Variants in FARS2 observed in about 807,000 individuals in gnomAD.
FARS2 encodes the protein phenylalanyl-tRNA synthetase 2, mitochondrial, also known as phenylalanine--tRNA ligase, mitochondrial.
FARS2 carries 40 observed loss-of-function variants against 46.4 expected under a neutral mutation model. That is an observed-to-expected ratio of 0.86 (90% CI 0.67 to 1.12). The LOEUF is 1.12. Ranked by LOEUF, FARS2 falls within the 50% of genes most tolerant of loss-of-function variation. FARS2 has a pLI of 0.00. For missense variants in FARS2, 513 were observed against 567.9 expected (o/e 0.90, Z 0.98); for synonymous variants, 234 against 214.9 (o/e 1.09, Z -0.78).
rs371863264 is a variant in FARS2, at chr6:5,286,877, A to G, written c.-22+25217A>G. On this transcript the variant is annotated intron_variant, in intron 1 of 6. Coordinates refer to ENST00000274680, the MANE Select transcript of FARS2 (RefSeq NM_006567.5). ...ATGTTAATTTTGGTGCCACTGCAGA[A>G]TCTTTCTGAGAGTGAGAAACTCCTC... is the stretch of plus-strand genomic sequence containing the variant. Among the ~76,000 whole-genome samples, 9 of 152,350 alleles carry G rather than the reference A, an allele frequency of 5.9e-5. No individual in the cohort carries two copies. In the South Asian group the frequency reaches 1.4e-3, roughly 25 times the overall value.
chr6:5,296,201 G>A lies in FARS2; in HGVS notation c.-22+34541G>A, dbSNP rs563717099. ...CTGTCGCCTGGGCTGGAGTGCAGTG[G>A]TGGGATCTCAGCTCACTGCAAGCTC... is the stretch of plus-strand genomic sequence containing the variant. On this transcript the variant is annotated intron_variant, in intron 1 of 6. Transcript: ENST00000274680. Among the ~76,000 whole-genome samples the A allele has an allele frequency of 2.6e-3, 355 of 134,786 alleles. 1 individual carries two copies. Among genetic ancestry groups the A allele is most frequent in the Non-Finnish European group, 3.9e-3 (255 of 65,532 alleles). 88.4% of individuals were successfully genotyped at this position (134,786 alleles called of 152,430 possible). A position where few individuals can be genotyped will look rare whatever the true frequency, so the allele number is the denominator to read the frequency against.
chr6:5,752,434 C>T (rs1761999678), intron 6 of FARS2, among the ~76,000 whole-genome samples: 2 of 152,190 alleles, frequency 1.3e-5, no homozygotes, highest in Admixed American at 6.5e-5. Flanking sequence ...TGATCTTACA[C>T]GACAGTGACT....
intron 6 of FARS2, among the ~76,000 whole-genome samples, chr6:5,700,831 G>A (rs578194580): frequency 2.3e-4 from 35 of 152,238 alleles, no homozygotes; most frequent in Non-Finnish European, 4.0e-4. Flanking sequence ...CGTGGGCCGC[G>A]CTCTGCTGCA....
At chr6:5,481,673 A>G (rs960565670) in intron 4 of FARS2, among the ~76,000 whole-genome samples, 2 of 152,186 alleles carry the variant, frequency 1.3e-5, no homozygotes, top group Non-Finnish European at 2.9e-5. Flanking sequence ...TTTGGCATGC[A>G]CAGCTTCAAG....
intron 6 of FARS2, among the ~76,000 whole-genome samples, chr6:5,618,694 C>T (rs893297086): frequency 1.3e-5 from 2 of 152,166 alleles, no homozygotes; most frequent in African/African-American, 4.8e-5. Context: ...TTTGTTCCAG[C>T]CAGTCATTTA....
chr6:5,606,820 A>G (rs1012316242), intron 5 of FARS2, among the ~76,000 whole-genome samples: 14 of 152,170 alleles, frequency 9.2e-5, no homozygotes, highest in African/African-American at 3.4e-4. Flanking sequence ...GGCACCTTCC[A>G]GTATTTCATT....
At chr6:5,695,367 T>C (rs1333284862) in intron 6 of FARS2, 1 of 152,276 alleles carries the variant, frequency 6.6e-6, no homozygotes, top group Non-Finnish European at 1.5e-5. Flanking sequence ...TCATTCCCAG[T>C]GCTTTCTCTG....
chr6:5,415,660 A>G (rs958062911), intron 3 of FARS2, among the ~76,000 whole-genome samples: 27 of 151,786 alleles, frequency 1.8e-4, no homozygotes, highest in African/African-American at 6.1e-4. Context: ...AATATTATGT[A>G]CTTATTTGCA....
At chr6:5,516,777 A>G (rs1262959942) in intron 4 of FARS2, among the ~76,000 whole-genome samples, 2 of 152,176 alleles carry the variant, frequency 1.3e-5, no homozygotes, top group African/African-American at 2.4e-5. Context: ...ATAACTTTGC[A>G]TTTTTTAATT....
At chr6:5,372,463 C>T (rs963129374) in intron 2 of FARS2, among the ~76,000 whole-genome samples, 4 of 152,182 alleles carry the variant, frequency 2.6e-5, no homozygotes, top group Middle Eastern at 3.4e-3. Flanking sequence ...ATTACTTATG[C>T]ATTACTAATT....
intron 6 of FARS2, among the ~76,000 whole-genome samples, chr6:5,745,765 C>T (rs1456659696): frequency 6.6e-6 from 1 of 152,174 alleles, no homozygotes; most frequent in Non-Finnish European, 1.5e-5. Flanking sequence ...GTCTCAAATT[C>T]CTGGGCTCAA....
intron 4 of FARS2, among the ~76,000 whole-genome samples, chr6:5,450,382 G>A (rs1390751131): frequency 6.6e-6 from 1 of 151,880 alleles, no homozygotes; most frequent in African/African-American, 2.4e-5. Flanking sequence ...GCGTGATGTG[G>A]GCTGCAGGGG....
intron 4 of FARS2, among the ~76,000 whole-genome samples, chr6:5,534,108 G>A (rs531007039): frequency 6.6e-6 from 1 of 152,258 alleles, no homozygotes; most frequent in East Asian, 1.9e-4. Context: ...TGAAATGATT[G>A]GTGGTATAAT....
At chr6:5,748,493 C>T (rs952214506) in intron 6 of FARS2, among the ~76,000 whole-genome samples, 1 of 152,180 alleles carries the variant, frequency 6.6e-6, no homozygotes, top group African/African-American at 2.4e-5. Flanking sequence ...GTCCAGCCAG[C>T]CATCATGGCC....
Position 5,369,487 on chromosome 6 carries a change from C to T in FARS2, c.612+305C>T, listed in dbSNP as rs566180976. 2.6e-5 allele frequency among the ~76,000 whole-genome samples: 4 copies of T among 152,302 alleles called. No homozygotes were observed. The South Asian group carries it at 6.2e-4, about 24-fold the overall frequency. On this transcript the variant is annotated intron_variant, in intron 2 of 6. Transcript: ENST00000274680. ...CTTATGAATGGAGAATAGTCTGTGG[C>T]TCAAATTCACCTTTAATCCAGGATG...
chr6:5,661,755 G>T (rs530531067), intron 6 of FARS2, among the ~76,000 whole-genome samples: 1 of 151,210 alleles, frequency 6.6e-6, no homozygotes, highest in African/African-American at 2.5e-5. Flanking sequence ...GAGAAGAAAT[G>T]GAGACAGTAA....
intron 6 of FARS2, among the ~76,000 whole-genome samples, chr6:5,668,945 C>T (rs1778300079): frequency 6.6e-6 from 1 of 152,116 alleles, no homozygotes; most frequent in Non-Finnish European, 1.5e-5. Flanking sequence ...ATGGACCCGC[C>T]TTGGCCTCCC....
At chr6:5,444,793 A>G (rs1764088812) in intron 4 of FARS2, among the ~76,000 whole-genome samples, 3 of 149,530 alleles carry the variant, frequency 2.0e-5, no homozygotes, top group Non-Finnish European at 4.5e-5. Context: ...GGCGGGGGGG[A>G]ACTGACCTAA....
intron 2 of FARS2, among the ~76,000 whole-genome samples, chr6:5,389,998 AG>A (rs1270041739): frequency 6.6e-6 from 1 of 152,028 alleles, no homozygotes; most frequent in African/African-American, 2.4e-5. Flanking sequence ...CCGAGTAGCT[AG>A]GATTACAGGC....
Sources: allele counts gnomAD v4.1 joint callset (sites outside exome capture counted in the v4.1 genomes callset), GRCh38; gene constraint gnomAD v4.1.1; transcripts MANE v1.5; gene names NCBI Gene and HGNC (gene_info 2026-07-23, HGNC 2026-07-21).